Variants in UVSSA observed in about 807,000 individuals in gnomAD.
UVSSA encodes UV stimulated scaffold protein A.
A neutral mutation model predicts 73.9 loss-of-function variants in UVSSA; 72 were observed. The observed-to-expected ratio is 0.97, with a 90% CI of 0.81 to 1.19. The LOEUF (loss-of-function observed/expected upper bound fraction) is 1.19. Ranked by LOEUF, UVSSA falls within the 50% of genes most tolerant of loss-of-function variation. The pLI is 0.00. For missense variants in UVSSA, 1,150 were observed against 965.0 expected (o/e 1.19, Z -2.54); for synonymous variants, 454 against 391.3 (o/e 1.16, Z -1.89).
intron 7 of UVSSA, among the ~76,000 whole-genome samples, chr4:1,363,091 A>G (rs1029662500): frequency 1.4e-5 from 2 of 141,794 alleles, no homozygotes; most frequent in Non-Finnish European, 3.1e-5. Flanking sequence ...AAGCCCCTCA[A>G]TGCTGAGTTG....
At chr4:1,348,643 G>A (rs768952222) in intron 2 of UVSSA, among the ~76,000 whole-genome samples, 8 of 152,220 alleles carry the variant, frequency 5.3e-5, no homozygotes, top group Non-Finnish European at 1.2e-4. Context: ...GGCAGCCAGA[G>A]ATTCATGGGG....
exon 14 of UVSSA, chr4:1,395,330 G>T (rs527832969): frequency 1.4e-6 from 2 of 1,430,246 alleles, no homozygotes; most frequent in Non-Finnish European, 1.8e-6. Flanking sequence ...GCCTGCTCAC[G>T]TGCCGATGTG....
Position 1,386,061 on chromosome 4 carries a change from C to T in UVSSA, c.*100C>T. ...GGTCTGGGCAGTAACCATGCTTTGT[C>T]TATTACTGTGTTTGATGTAAAGAAA... On this transcript the variant is annotated 3_prime_UTR_variant, in exon 14 of 14. Coordinates refer to ENST00000389851, the MANE Select transcript of UVSSA (RefSeq NM_020894.4). 3 of 1,212,450 alleles carry T rather than the reference C, an allele frequency of 2.5e-6. No homozygotes were observed. The highest frequency in any genetic ancestry group is 1.3e-5 in the South Asian group (1 of 79,910). The allele number at this position is 1,212,450 out of a possible 1,614,324, so 75.1% of individuals were successfully genotyped here. A position where few individuals can be genotyped will look rare whatever the true frequency, so the allele number is the denominator to read the frequency against.
intron 8 of UVSSA, 180 bp from the exon 9 acceptor site, chr4:1,375,184 C>T (rs910897726): frequency 4.0e-6 from 4 of 991,958 alleles, no homozygotes; most frequent in Admixed American, 2.3e-5. Flanking sequence ...AGAGCGTGGC[C>T]TGAGCTGCTG....
chr4:1,353,485 A>C, intron 5 of UVSSA, 72 bp downstream of exon 5: 1 of 1,426,342 alleles, frequency 7.0e-7, no homozygotes, highest in Non-Finnish European at 9.1e-7. Flanking sequence ...CCTCACTGGC[A>C]CCCGGCCCAG....
intron 5 of UVSSA, among the ~76,000 whole-genome samples, chr4:1,354,128 C>T (rs902869535): frequency 1.3e-5 from 2 of 152,242 alleles, no homozygotes; most frequent in African/African-American, 4.8e-5. Context: ...TGGGAAGCTG[C>T]TGGGAGAACT....
intron 7 of UVSSA, among the ~76,000 whole-genome samples, chr4:1,359,723 T>A (rs1187102234): frequency 6.6e-6 from 1 of 152,136 alleles, no homozygotes; most frequent in Non-Finnish European, 1.5e-5. Flanking sequence ...TCCCCCCGAC[T>A]CTGTGGTTTT....
downstream of UVSSA, chr4:1,388,306 A>G (rs576831611): frequency 6.6e-6 from 1 of 152,246 alleles, no homozygotes; most frequent in Non-Finnish European, 1.5e-5. Flanking sequence ...ATGTGGAAGT[A>G]CAACTGACTT....
intron 7 of UVSSA, among the ~76,000 whole-genome samples, chr4:1,355,500 G>A (rs903959728): frequency 1.3e-5 from 2 of 152,236 alleles, no homozygotes; most frequent in African/African-American, 4.8e-5. Flanking sequence ...GAAGTGCTGA[G>A]TGCTGTGCGC....
intron 3 of UVSSA, among the ~76,000 whole-genome samples, chr4:1,350,961 A>G (rs772746270): frequency 3.9e-5 from 6 of 152,226 alleles, no homozygotes; most frequent in Non-Finnish European, 5.9e-5. Context: ...GCTAGAGTGC[A>G]GTGGCGCGAT....
At chr4:1,370,681 G>A (rs997796477) in intron 8 of UVSSA, among the ~76,000 whole-genome samples, 6 of 152,208 alleles carry the variant, frequency 3.9e-5, no homozygotes, top group African/African-American at 1.2e-4. Context: ...CCCTATTCAC[G>A]AAAACAGGCG....
rs1268642186 is a variant in UVSSA at position 1,349,564 on chromosome 4, A to G, written c.139A>G (p.Ile47Val). The G allele has an allele frequency of 3.1e-6, 5 of 1,613,948 alleles. No individual in the cohort carries two copies. In the African/African-American group the frequency reaches 5.3e-5, roughly 17 times the overall value. Residue 47 changes from isoleucine (I) to valine (V), a missense_variant, in exon 3 of 14, where the codon ATA (isoleucine) becomes GTA (valine). Ile to Val is a conservative substitution (Grantham distance 29, BLOSUM62 3). Transcript: ENST00000389851. The part of the protein sequence containing the change: ...EQLSRAYRLL[I>V]AQLTQEHAEI... ...GCTGAGCCGCGCCTACCGCCTGCTG[A>G]TAGCACAGCTGACCCAGGAGCACGC...
At chr4:1,369,180 C>T (rs1377994412) in intron 8 of UVSSA, among the ~76,000 whole-genome samples, 1 of 152,258 alleles carries the variant, frequency 6.6e-6, no homozygotes, top group East Asian at 1.9e-4. Context: ...TGGGCCTGGC[C>T]TGGGTACCCT....
intron 7 of UVSSA, chr4:1,357,097 G>A (rs995012319): frequency 3.3e-5 from 5 of 149,596 alleles, no homozygotes; most frequent in East Asian, 2.0e-4. Context: ...AGAGCAGAGC[G>A]GGGCTGATGG....
Position 1,383,851 on chromosome 4 carries a change from G to T in UVSSA, c.1947G>T (p.Arg649Ser). 3.7e-6 allele frequency: 6 copies of T among 1,613,650 alleles called. No homozygotes were observed. The highest frequency in any genetic ancestry group is 5.1e-6 in the Non-Finnish European group (6 of 1,180,002). ...LGSSRYSGKGRGKKRRYPSLT... is the reference protein window; with the variant it reads ...LGSSRYSGKGSGKKRRYPSLT... ...CATCCAGGTACAGCGGGAAAGGCAGGGGGAAGAAGAGGAGGTACCCCAGCC... is the reference window on the plus strand; with the variant it reads ...CATCCAGGTACAGCGGGAAAGGCAGTGGGAAGAAGAGGAGGTACCCCAGCC... Residue 649 changes from arginine to serine, a missense_variant, in exon 13 of 14, where the codon AGG becomes AGT. Arg to Ser is a moderately radical substitution (Grantham distance 110, BLOSUM62 -1). Transcript: ENST00000389851.
At chr4:1,392,217 A>G (rs925576610), downstream of UVSSA, 16 of 152,194 alleles carry the variant, frequency 1.1e-4, no homozygotes, top group Admixed American at 1.0e-3. Flanking sequence ...GTTTCCTCTC[A>G]GCTTCTTGGT....
At chr4:1,366,146 A>G (rs1178866670) in intron 7 of UVSSA, 174 bp from the exon 8 acceptor site, 2 of 576,020 alleles carry the variant, frequency 3.5e-6, no homozygotes, top group African/African-American at 3.7e-5. Context: ...ATTTTGGGGA[A>G]CAAGAACAGC....
chr4:1,379,957 T>G, intron 10 of UVSSA, 90 bp from the exon 11 acceptor site: 1 of 1,438,532 alleles, frequency 7.0e-7, no homozygotes, highest in Non-Finnish European at 9.4e-7. Flanking sequence ...GCTGCAGTGG[T>G]GTTTGGCCTT....
At position 1,380,157 on chromosome 4, in the gene UVSSA, T is replaced by C; in HGVS notation, c.1679T>C (p.Phe560Ser). 6.2e-7 allele frequency: 1 copy of C among 1,613,194 alleles called. No homozygotes were observed. ...CGCCACATCACTTTTGCCGGGAAGT[T>C]TGAGCCTGTGCAGCACTGGTGCCGT... ...RSRHITFAGK[F>S]EPVQHWCRAP... Residue 560 changes from phenylalanine to serine, a missense_variant, in exon 11 of 14, where the codon TTT becomes TCT. Transcript: ENST00000389851.
Sources: allele counts gnomAD v4.1 joint callset (sites outside exome capture counted in the v4.1 genomes callset), GRCh38; gene constraint gnomAD v4.1.1; transcripts MANE v1.5; gene names NCBI Gene and HGNC (gene_info 2026-07-23, HGNC 2026-07-21).